Variants in KCNMA1 observed in about 807,000 individuals in gnomAD.
The protein encoded by KCNMA1 is Calcium-activated potassium channel subunit alpha-1.
KCNMA1 carries 29 observed loss-of-function variants against 140.0 expected under a neutral mutation model. The ratio of observed to expected loss-of-function variants is 0.21; its 90% CI spans 0.15 to 0.28. The LOEUF (loss-of-function observed/expected upper bound fraction) is 0.28. KCNMA1 is among the 10% of genes least tolerant of loss of function. KCNMA1 has a pLI of 1.00. For synonymous variants in KCNMA1, 612 were observed against 611.9 expected, an observed-to-expected ratio of 1.00 and a Z score of 0.00; for missense variants, 880 against 1,602.2, an observed-to-expected ratio of 0.55 and a Z score of 7.70.
chr10:76,910,300 C>G, intron 24 of KCNMA1: 1 of 573,922 alleles, frequency 1.7e-6, no homozygotes, highest in East Asian at 3.5e-5. Context: ...GTGTCTGAGA[C>G]CTGGAGAGCA....
chr10:77,277,790 T>C (rs1372696891), intron 2 of KCNMA1, among the ~76,000 whole-genome samples: 1 of 152,214 alleles, frequency 6.6e-6, no homozygotes, highest in Non-Finnish European at 1.5e-5. Context: ...TCCCTGCTTC[T>C]ACACTTGACC....
chr10:77,195,078 T>G (rs2154144261), intron 3 of KCNMA1, among the ~76,000 whole-genome samples: 1 of 152,290 alleles, frequency 6.6e-6, no homozygotes, highest in East Asian at 1.9e-4. Flanking sequence ...GTTGAGGATT[T>G]TTTTTAAGAA....
chr10:77,386,364 C>G (rs2095603053), intron 2 of KCNMA1, among the ~76,000 whole-genome samples: 1 of 152,238 alleles, frequency 6.6e-6, no homozygotes, highest in Non-Finnish European at 1.5e-5. Context: ...ATAGGGCTTT[C>G]TATTCCAATT....
chr10:77,045,957 TC>T (rs2095029134), intron 14 of KCNMA1, among the ~76,000 whole-genome samples: 1 of 152,156 alleles, frequency 6.6e-6, no homozygotes, highest in African/African-American at 2.4e-5. Flanking sequence ...ACAGGCAAAT[TC>T]TTTTAATCCA....
chr10:76,880,213 C>T (rs936832433), downstream of KCNMA1, among the ~76,000 whole-genome samples: 16 of 152,278 alleles, frequency 1.1e-4, no homozygotes, highest in African/African-American at 2.2e-4. Context: ...TTTGACCTTT[C>T]GCGGCAGAGA....
At chr10:77,360,945 G>A (rs978508590) in intron 2 of KCNMA1, among the ~76,000 whole-genome samples, 11 of 152,210 alleles carry the variant, frequency 7.2e-5, no homozygotes, top group Non-Finnish European at 1.5e-4. Context: ...GCAGCTCTGG[G>A]AGCCTCTGAA....
At chr10:76,898,125 G>A (rs1411546600) in intron 25 of KCNMA1, among the ~76,000 whole-genome samples, 1 of 151,422 alleles carries the variant, frequency 6.6e-6, no homozygotes, top group East Asian at 1.9e-4. Context: ...ACATAAATGA[G>A]CTAAATGATC....
intron 1 of KCNMA1, among the ~76,000 whole-genome samples, chr10:77,525,294 G>T (rs1239460972): frequency 6.6e-6 from 1 of 152,154 alleles, no homozygotes; most frequent in Non-Finnish European, 1.5e-5. Context: ...ATCTCCAGAA[G>T]AGAAAGCACA....
At chr10:77,016,561 C>T (rs1013063340) in intron 17 of KCNMA1, among the ~76,000 whole-genome samples, 8 of 152,012 alleles carry the variant, frequency 5.3e-5, no homozygotes, top group Non-Finnish European at 1.2e-4. Flanking sequence ...TATAAAAGCT[C>T]GTAACTTTTT....
intron 5 of KCNMA1, among the ~76,000 whole-genome samples, chr10:77,134,795 G>A (rs11002038): frequency 0.014 from 2,140 of 151,818 alleles, 76 homozygotes; most frequent in East Asian, 0.14. Context: ...TCAGGAGATC[G>A]AGACCATCCT....
intron 5 of KCNMA1, chr10:77,148,322 G>C (rs989507980): frequency 2.4e-4 from 36 of 152,286 alleles, no homozygotes; most frequent in South Asian, 1.0e-3. Flanking sequence ...GAAGAACACG[G>C]TGAGTTATAT....
chr10:77,315,968 T>C (rs964906734), intron 2 of KCNMA1, among the ~76,000 whole-genome samples: 4 of 152,176 alleles, frequency 2.6e-5, no homozygotes, highest in Non-Finnish European at 4.4e-5. Flanking sequence ...GTACTCAGCA[T>C]TGGTGGGCGC....
At chr10:77,568,913 A>G (rs1442106534) in intron 1 of KCNMA1, among the ~76,000 whole-genome samples, 3 of 150,522 alleles carry the variant, frequency 2.0e-5, no homozygotes, top group Non-Finnish European at 4.5e-5. Flanking sequence ...CAATGTACAA[A>G]AATCACAAGC....
At chr10:77,422,955 T>C (rs1478068583) in intron 1 of KCNMA1, among the ~76,000 whole-genome samples, 1 of 152,334 alleles carries the variant, frequency 6.6e-6, no homozygotes, top group East Asian at 1.9e-4. Flanking sequence ...AACCCCGTTG[T>C]TATGGCATCA....
At chr10:77,090,797 A>C in intron 9 of KCNMA1, 1 of 505,924 alleles carries the variant, frequency 2.0e-6, no homozygotes, top group Non-Finnish European at 3.6e-6. Flanking sequence ...TGCATTTAAC[A>C]ATAAGTGACA....
At chr10:76,942,085 C>T (rs531788950) in intron 23 of KCNMA1, among the ~76,000 whole-genome samples, 2 of 152,326 alleles carry the variant, frequency 1.3e-5, no homozygotes, top group Admixed American at 1.3e-4. Context: ...GATTCTCCTG[C>T]CTCAGCCTCC....
At chr10:77,269,494 T>C (rs1172770363) in intron 2 of KCNMA1, among the ~76,000 whole-genome samples, 1 of 152,166 alleles carries the variant, frequency 6.6e-6, no homozygotes, top group East Asian at 1.9e-4. Flanking sequence ...GATAACTTCA[T>C]TCAGAGTTTT....
intron 19 of KCNMA1, among the ~76,000 whole-genome samples, chr10:76,981,060 T>C (rs1184223207): frequency 6.6e-6 from 1 of 152,222 alleles, no homozygotes; most frequent in East Asian, 1.9e-4. Flanking sequence ...CCCATGATTA[T>C]TGCCTTGGCT....
At chr10:77,579,876 G>C (rs908773413) in intron 1 of KCNMA1, among the ~76,000 whole-genome samples, 1 of 152,136 alleles carries the variant, frequency 6.6e-6, no homozygotes, top group Non-Finnish European at 1.5e-5. Context: ...AGTGAGGCAG[G>C]TGTCCCCGGA....
Sources: gnomAD v4.1 joint callset for allele counts (sites outside exome capture counted in the v4.1 genomes callset) on GRCh38, gnomAD v4.1.1 for gene constraint, MANE v1.5 for transcripts, NCBI Gene and HGNC (gene_info 2026-07-23, HGNC 2026-07-21) for gene names.